The following COBLL1 variants were observed in gnomAD, a reference collection of about 807,000 sequenced individuals.
COBLL1 encodes cordon-bleu protein-like 1.
In COBLL1, 50 loss-of-function variants were observed where a neutral mutation model predicts 94.8. The observed-to-expected ratio is 0.53, with a 90% CI of 0.42 to 0.67. The LOEUF (loss-of-function observed/expected upper bound fraction) is 0.67, where lower values mean the gene tolerates loss of function less well. Ranked by LOEUF, COBLL1 falls within the 30% of genes least tolerant of loss-of-function variation. The probability of loss-of-function intolerance (pLI) is 0.00; values close to 1 mark genes in which losing one functional copy is unlikely to be tolerated. For missense variants in COBLL1, 1,362 were observed against 1,348.7 expected (o/e 1.01, Z -0.15); for synonymous variants, 448 against 473.8 (o/e 0.95, Z 0.71).
chr2:164,804,450 TATAAA>T lies in COBLL1; in HGVS notation c.41+36701_41+36705del, dbSNP rs1243444273. ...AATATGAAATGTCTGTTTCATATTA[TATAAA>T]ATAAACATGTAATATGTGTTATTAA... On this transcript the variant is annotated intron_variant, in intron 2 of 13. Transcript: ENST00000652658. Among the ~76,000 whole-genome samples the T allele has an allele frequency of 2.6e-5, 4 of 152,328 alleles. No homozygotes were observed. In the South Asian group the frequency reaches 8.3e-4, roughly 32 times the overall value.
chr2:164,757,628 T>C (rs1687477311), intron 2 of COBLL1, among the ~76,000 whole-genome samples: 1 of 151,934 alleles, frequency 6.6e-6, no homozygotes, highest in African/African-American at 2.4e-5. Flanking sequence ...AGATATGGGA[T>C]GGGAAAATAT....
At chr2:164,724,394 T>C (rs1574475468) in intron 5 of COBLL1, 1 of 152,060 alleles carries the variant, frequency 6.6e-6, no homozygotes, top group East Asian at 1.9e-4. Flanking sequence ...GAGGGGAAAT[T>C]TACATTGAAA....
At chr2:164,670,362 A>G (rs1477939705) in intron 1 of COBLL1, among the ~76,000 whole-genome samples, 4 of 152,250 alleles carry the variant, frequency 2.6e-5, no homozygotes, top group Non-Finnish European at 5.9e-5. Flanking sequence ...TTATCTCTAC[A>G]TCTATCTTTT....
intron 1 of COBLL1, chr2:164,665,935 C>T (rs944569301): frequency 6.6e-6 from 1 of 152,048 alleles, no homozygotes; most frequent in Non-Finnish European, 1.5e-5. Flanking sequence ...TGCTAGTGTT[C>T]TACTTTAGAA....
intron 7 of COBLL1, among the ~76,000 whole-genome samples, chr2:164,710,934 T>A (rs1313448141): frequency 6.6e-6 from 1 of 152,156 alleles, no homozygotes; most frequent in African/African-American, 2.4e-5. Context: ...CTCCCAATAG[T>A]TCTGCTCTTG....
chr2:164,804,548 C>T (rs972157), intron 2 of COBLL1, among the ~76,000 whole-genome samples: 53,712 of 151,840 alleles, frequency 0.35, 9,695 homozygotes, highest in Admixed American at 0.41. Context: ...CTTTTGGGGG[C>T]TCAATTCTTA....
At chr2:164,707,792 A>G (rs572851768) in intron 7 of COBLL1, among the ~76,000 whole-genome samples, 3 of 152,314 alleles carry the variant, frequency 2.0e-5, no homozygotes, top group South Asian at 2.1e-4. Context: ...GGGGCATTCT[A>G]GTCTTACAAG....
At chr2:164,730,413 A>G (rs1685939887) in intron 3 of COBLL1, among the ~76,000 whole-genome samples, 1 of 151,876 alleles carries the variant, frequency 6.6e-6, no homozygotes, top group Non-Finnish European at 1.5e-5. Flanking sequence ...CCAGAGAACA[A>G]CACGAGCTCT....
intron 2 of COBLL1, among the ~76,000 whole-genome samples, chr2:164,761,628 A>G (rs957305601): frequency 2.0e-5 from 3 of 152,222 alleles, no homozygotes; most frequent in African/African-American, 7.2e-5. Context: ...ATAGGCCTTT[A>G]TCTATGCTTT....
chr2:164,732,723 A>G (rs1006414050), intron 3 of COBLL1, among the ~76,000 whole-genome samples: 1 of 152,236 alleles, frequency 6.6e-6, no homozygotes, highest in African/African-American at 2.4e-5. Context: ...CTTCTTAAAT[A>G]TACAGTTTTT....
chr2:164,677,487 G>T (rs370864134), downstream of COBLL1, among the ~76,000 whole-genome samples: 29 of 152,208 alleles, frequency 1.9e-4, no homozygotes, highest in Middle Eastern at 6.8e-3. Context: ...GACTAGCAAG[G>T]GCAAGGATCC....
At chr2:164,782,853 A>G (rs1230683025) in intron 2 of COBLL1, among the ~76,000 whole-genome samples, 2 of 152,222 alleles carry the variant, frequency 1.3e-5, no homozygotes, top group Admixed American at 1.3e-4. Context: ...ATTCAAAATA[A>G]CAAGAAAACC....
At chr2:164,734,728 C>T (rs575248140) in intron 3 of COBLL1, among the ~76,000 whole-genome samples, 1 of 151,994 alleles carries the variant, frequency 6.6e-6, no homozygotes, top group Non-Finnish European at 1.5e-5. Flanking sequence ...GGAAAGAGGG[C>T]AGGATTGGAG....
At chr2:164,687,488 C>G in intron 13 of COBLL1, 1 of 1,456,704 alleles carries the variant, frequency 6.9e-7, no homozygotes, top group South Asian at 1.1e-5. Context: ...ATCACATGCT[C>G]CTTGTTCTGC....
intron 2 of COBLL1, among the ~76,000 whole-genome samples, chr2:164,659,938 G>A (rs1691043292): frequency 6.6e-6 from 1 of 152,162 alleles, no homozygotes; most frequent in South Asian, 2.1e-4. Flanking sequence ...AGGGATTTGT[G>A]GGTATTGCAT....
At chr2:164,713,716 C>T (rs927850578) in intron 7 of COBLL1, among the ~76,000 whole-genome samples, 1 of 152,002 alleles carries the variant, frequency 6.6e-6, no homozygotes, top group South Asian at 2.1e-4. Context: ...TAATGCAATA[C>T]CTATGCAATT....
chr2:164,747,342 C>T (rs1343874344), intron 2 of COBLL1, among the ~76,000 whole-genome samples: 1 of 152,186 alleles, frequency 6.6e-6, no homozygotes. Context: ...CTCTCACTCA[C>T]AGTTTTGATG....
chr2:164,750,212 G>C, intron 2 of COBLL1, among the ~76,000 whole-genome samples: 1 of 152,050 alleles, frequency 6.6e-6, no homozygotes, highest in East Asian at 1.9e-4. Flanking sequence ...ATCTCCATTT[G>C]GATGTCCCAT....
chr2:164,841,486 G>A lies in COBLL1; in HGVS notation c.-51+224C>T, dbSNP rs1035998888. The A allele has an allele frequency of 2.5e-5, 28 of 1,125,328 alleles. No homozygotes were observed. In the East Asian group the frequency reaches 1.2e-3, roughly 50 times the overall value. The allele number at this position is 1,125,328 out of a possible 1,614,324, so 69.7% of individuals were successfully genotyped here. On this transcript the variant is annotated intron_variant, in intron 1 of 13. Coordinates refer to ENST00000652658, the MANE Select transcript of COBLL1 (RefSeq NM_001365672.2). The surrounding 1 kb of genome is among the most constrained non-coding windows in gnomAD (Gnocchi z 5.5). ...GCGGTGGCGCTGCAGCCCCCGCCCC[G>A]TGGGGTTTACTGGGTAGCCATTTGG... is the stretch of plus-strand genomic sequence containing the variant.
Sources: allele counts gnomAD v4.1 joint callset (sites outside exome capture counted in the v4.1 genomes callset), GRCh38; gene constraint gnomAD v4.1.1; non-coding constraint Gnocchi (gnomAD v3.1); transcripts MANE v1.5; gene names NCBI Gene and HGNC (gene_info 2026-07-23, HGNC 2026-07-21).